Variants in PKP4 observed in about 807,000 individuals in gnomAD.
PKP4 encodes plakophilin 4, also known as plakophilin-4.
In PKP4, 90 loss-of-function variants were observed where a neutral mutation model predicts 145.1. The ratio of observed to expected loss-of-function variants is 0.62; its 90% CI spans 0.52 to 0.74. PKP4 has a LOEUF of 0.74. Ranked by LOEUF, PKP4 falls within the 30% of genes least tolerant of loss-of-function variation. The pLI, the probability that PKP4 is intolerant of heterozygous loss-of-function variation, is 0.00. For missense variants in PKP4, 1,340 were observed against 1,482.7 expected (o/e 0.90, Z 1.58); for synonymous variants, 563 against 577.2 (o/e 0.98, Z 0.35).
At chr2:158,529,712 A>C (rs992045913) in intron 1 of PKP4, among the ~76,000 whole-genome samples, 6 of 152,194 alleles carry the variant, frequency 3.9e-5, no homozygotes, top group African/African-American at 1.4e-4. Flanking sequence ...CTTGAACCTG[A>C]AATGCCTACA....
At chr2:158,640,481 A>G (rs2054186045) in intron 9 of PKP4, 146 bp from the exon 10 acceptor site, 1 of 750,482 alleles carries the variant, frequency 1.3e-6, no homozygotes, top group Non-Finnish European at 2.1e-6. Context: ...TCAGGGGGAA[A>G]AATTATTTAG....
chr2:158,568,296 C>G (rs999151180), intron 2 of PKP4, among the ~76,000 whole-genome samples: 2 of 152,134 alleles, frequency 1.3e-5, no homozygotes, highest in Non-Finnish European at 1.5e-5. Flanking sequence ...TGAGATCGTG[C>G]CATTGCACTC....
At chr2:158,509,333 A>G (rs1368177078) in intron 1 of PKP4, among the ~76,000 whole-genome samples, 2 of 152,226 alleles carry the variant, frequency 1.3e-5, no homozygotes, top group African/African-American at 4.8e-5. Context: ...GAGGTATTTT[A>G]CCACTCACTT....
chr2:158,495,318 G>A (rs528174598), intron 1 of PKP4, among the ~76,000 whole-genome samples: 1 of 148,738 alleles, frequency 6.7e-6, no homozygotes, highest in African/African-American at 2.5e-5. Flanking sequence ...TTGGCAAGTT[G>A]GACTCACATT....
intron 1 of PKP4, among the ~76,000 whole-genome samples, chr2:158,516,042 C>CTT (rs10719242): frequency 1.4e-5 from 2 of 141,150 alleles, no homozygotes; most frequent in East Asian, 2.1e-4. Flanking sequence ...GAGAATCCAT[C>CTT]TTTTTTTTTT....
At position 158,669,738 on chromosome 2, in the gene PKP4, A is replaced by T; in HGVS notation, c.2747A>T (p.Asp916Val). The T allele has an allele frequency of 6.3e-7, 1 of 1,596,590 alleles. No homozygotes were observed. Among genetic ancestry groups the T allele is most frequent in the Non-Finnish European group, 8.6e-7 (1 of 1,168,444 alleles). ...KELIGKYAMR[D>V]LVNRLPGGNG... ...TTGGCAGGCAAATACGCCATGCGAG[A>T]CCTGGTCAACCGGCTCCCCGGCGGC... The change falls in exon 17 of 22, where the codon GAC (aspartate) becomes GTC (valine). Residue 916 changes from aspartate to valine, a missense_variant. Physicochemically the swap from Asp to Val is radical, Grantham distance 152. Transcript: ENST00000389759.
chr2:158,638,940 A>G lies in PKP4; in HGVS notation c.1563-1687A>G, dbSNP rs114387498. 2.7e-3 allele frequency among the ~76,000 whole-genome samples: 418 copies of G among 152,304 alleles called. 3 individuals are homozygous for G. The highest frequency in any genetic ancestry group is 9.6e-3 in the African/African-American group (401 of 41,572). ...CTTGGCCACTAGAGTTATCGTCTGT[A>G]TAAATGTGACTATGTCACATCCTCT... On this transcript the variant is annotated intron_variant, in intron 9 of 21. Transcript: ENST00000389759.
chr2:158,550,492 A>C (rs1018637845), intron 2 of PKP4, among the ~76,000 whole-genome samples: 1 of 152,240 alleles, frequency 6.6e-6, no homozygotes, highest in African/African-American at 2.4e-5. Context: ...GTCCTTGGAC[A>C]AACAGTGTGA....
At chr2:158,508,189 T>A (rs1262242859) in intron 1 of PKP4, among the ~76,000 whole-genome samples, 3 of 135,880 alleles carry the variant, frequency 2.2e-5, no homozygotes, top group Admixed American at 7.5e-5. Flanking sequence ...AAACCCCGTC[T>A]CTATTAAAAA....
intron 2 of PKP4, among the ~76,000 whole-genome samples, chr2:158,567,283 A>C (rs1234812416): frequency 1.3e-5 from 2 of 152,184 alleles, no homozygotes. Flanking sequence ...GAGTGTTTCA[A>C]GTGGATGGAA....
chr2:158,504,224 A>G (rs989622526), intron 1 of PKP4, among the ~76,000 whole-genome samples: 2 of 152,168 alleles, frequency 1.3e-5, no homozygotes, highest in Non-Finnish European at 2.9e-5. Flanking sequence ...GAGCATTCCA[A>G]TGACTTTTAT....
At chr2:158,471,554 A>T (rs1484310515) in intron 1 of PKP4, among the ~76,000 whole-genome samples, 5 of 152,248 alleles carry the variant, frequency 3.3e-5, no homozygotes, top group Non-Finnish European at 5.9e-5. Flanking sequence ...TGTGCACATC[A>T]CTGCAGTAGC....
chr2:158,584,461 C>T (rs2048624129), intron 3 of PKP4, among the ~76,000 whole-genome samples: 1 of 152,152 alleles, frequency 6.6e-6, no homozygotes, highest in African/African-American at 2.4e-5. Flanking sequence ...AGGCATTGTA[C>T]GATCTGTGTT....
intron 1 of PKP4, among the ~76,000 whole-genome samples, chr2:158,499,856 T>C (rs1696295053): frequency 6.6e-6 from 1 of 152,212 alleles, no homozygotes; most frequent in Admixed American, 6.5e-5. Context: ...ATACAGAATA[T>C]AGACAGAGTT....
At chr2:158,608,013 T>C (rs990498842) in intron 4 of PKP4, among the ~76,000 whole-genome samples, 3 of 152,202 alleles carry the variant, frequency 2.0e-5, no homozygotes, top group African/African-American at 7.2e-5. Flanking sequence ...AGGGTGACTA[T>C]AGTCAATAAT....
chr2:158,680,862 C>T lies in PKP4; in HGVS notation c.*185C>T. 1.7e-6 allele frequency: 1 copy of T among 581,146 alleles called. No homozygotes were observed. 36.0% of individuals were successfully genotyped at this position (581,146 alleles called of 1,614,324 possible). A position where few individuals can be genotyped will look rare whatever the true frequency, so the allele number is the denominator to read the frequency against. ...GAGGAAATGTTTGGGAGAGGACTTTCTAAGCTCTATTTAGGTGTTAGATCT... is the reference window on the plus strand; with the variant it reads ...GAGGAAATGTTTGGGAGAGGACTTTTTAAGCTCTATTTAGGTGTTAGATCT... On this transcript the variant is annotated 3_prime_UTR_variant, in exon 22 of 22. Transcript: ENST00000389759.
chr2:158,660,970 C>T (rs1373190285), intron 12 of PKP4: 1 of 164,050 alleles, frequency 6.1e-6, no homozygotes, highest in Non-Finnish European at 1.3e-5. Context: ...TAATTGCTTT[C>T]TATGTAGCAA....
chr2:158,660,278 A>G (rs2056434485), intron 12 of PKP4: 1 of 152,720 alleles, frequency 6.5e-6, no homozygotes, highest in Non-Finnish European at 1.5e-5. Flanking sequence ...TCTAGAGAGC[A>G]GTCAGGGCTA....
chr2:158,673,831 A>G (rs2057778913), intron 18 of PKP4, 52 bp from the exon 19 acceptor site: 4 of 1,469,498 alleles, frequency 2.7e-6, no homozygotes, highest in Non-Finnish European at 3.8e-6. Context: ...ATTTATTGTA[A>G]TGAAATGTCA....
Sources: allele counts gnomAD v4.1 joint callset (sites outside exome capture counted in the v4.1 genomes callset), GRCh38; gene constraint gnomAD v4.1.1; transcripts MANE v1.5; gene names NCBI Gene and HGNC (gene_info 2026-07-23, HGNC 2026-07-21).